Variants in HLCS observed in about 807,000 individuals in gnomAD.
HLCS encodes holocarboxylase synthetase.
Under a neutral mutation model 75.0 loss-of-function variants are expected in HLCS, and 53 were observed. The observed-to-expected ratio is 0.71, with a 90% CI of 0.57 to 0.89. HLCS has a LOEUF of 0.89. Among genes scored for constraint, HLCS ranks in the 40% least tolerant of loss-of-function variants. The probability of loss-of-function intolerance (pLI) is 0.00; values close to 1 mark genes in which losing one functional copy is unlikely to be tolerated. For synonymous variants in HLCS, 431 were observed against 428.6 expected (o/e 1.01, Z -0.07); for missense variants, 966 against 1,074.0 (o/e 0.90, Z 1.41).
chr21:36,762,391 G>A (rs2850107), intron 8 of HLCS, among the ~76,000 whole-genome samples: 116,520 of 152,038 alleles, frequency 0.77, 45,797 homozygotes, highest in African/African-American at 0.93. Flanking sequence ...TGCGGGGCCC[G>A]GGGGGACTTC....
chr21:36,983,402 G>A (rs1431081580), intron 1 of HLCS, among the ~76,000 whole-genome samples: 1 of 151,530 alleles, frequency 6.6e-6, no homozygotes, highest in South Asian at 2.1e-4. Flanking sequence ...GTAGAGATGG[G>A]GTTTCACTAT....
chr21:36,929,806 C>T (rs1179395115), intron 5 of HLCS, among the ~76,000 whole-genome samples: 1 of 152,238 alleles, frequency 6.6e-6, no homozygotes, highest in Non-Finnish European at 1.5e-5. Flanking sequence ...TTCCCAGCTC[C>T]GTGGGCATTT....
intron 6 of HLCS, among the ~76,000 whole-genome samples, chr21:36,780,193 G>A (rs903757176): frequency 6.6e-6 from 1 of 152,106 alleles, no homozygotes; most frequent in African/African-American, 2.4e-5. Flanking sequence ...GAGCTGAGGC[G>A]GTGTTGCTAG....
intron 6 of HLCS, among the ~76,000 whole-genome samples, chr21:36,806,985 C>T (rs1301299189): frequency 6.6e-6 from 1 of 152,202 alleles, no homozygotes; most frequent in Non-Finnish European, 1.5e-5. Context: ...CCTCGGTGCC[C>T]CAGTAGCTGC....
At chr21:36,937,931 C>T (rs2066969453) in intron 3 of HLCS, among the ~76,000 whole-genome samples, 4 of 152,066 alleles carry the variant, frequency 2.6e-5, no homozygotes, top group South Asian at 2.1e-4. Context: ...TGCTACATGT[C>T]GGACATGGTA....
chr21:36,811,152 C>T (rs2061498635), intron 6 of HLCS, among the ~76,000 whole-genome samples: 1 of 152,166 alleles, frequency 6.6e-6, no homozygotes, highest in Non-Finnish European at 1.5e-5. Context: ...CACACTGTTA[C>T]CATTTGTTAC....
At chr21:36,768,725 C>G (rs1286924649) in intron 6 of HLCS, among the ~76,000 whole-genome samples, 1 of 152,270 alleles carries the variant, frequency 6.6e-6, no homozygotes, top group Non-Finnish European at 1.5e-5. Flanking sequence ...ACATGAAATA[C>G]AGCTCAGAAG....
At chr21:36,910,545 G>GGA (rs1463434613) in intron 5 of HLCS, among the ~76,000 whole-genome samples, 1 of 117,858 alleles carries the variant, frequency 8.5e-6, no homozygotes, top group African/African-American at 3.2e-5. Context: ...GACTCTGTAT[G>GGA]GAAAAAAAAA....
intron 6 of HLCS, among the ~76,000 whole-genome samples, chr21:36,824,400 T>C (rs1045496667): frequency 6.6e-6 from 1 of 151,984 alleles, no homozygotes; most frequent in Non-Finnish European, 1.5e-5. Flanking sequence ...TGAGAACACA[T>C]GGACACAGGG....
At chr21:36,835,757 T>A (rs550585203) in intron 6 of HLCS, among the ~76,000 whole-genome samples, 1 of 152,154 alleles carries the variant, frequency 6.6e-6, no homozygotes, top group East Asian at 1.9e-4. Context: ...CATGGAGTAG[T>A]CTAATTAGCC....
intron 1 of HLCS, among the ~76,000 whole-genome samples, chr21:36,977,232 T>TA (rs1445999768): frequency 6.6e-6 from 1 of 151,968 alleles, no homozygotes; most frequent in Non-Finnish European, 1.5e-5. Context: ...TTCAGGCATG[T>TA]AAAAATCAGG....
chr21:36,938,835 C>A lies in HLCS; in HGVS notation c.490G>T (p.Val164Leu), dbSNP rs2067011776. 6.2e-7 allele frequency: 1 copy of A among 1,613,916 alleles called. No homozygotes were observed. Among genetic ancestry groups the A allele is most frequent in the African/African-American group, 1.3e-5 (1 of 74,898 alleles). ...MDNGLVPQKI[V>L]SVHLQDSTLK... is the part of the protein sequence containing the mutation. Reference sequence around the variant, plus strand: ...AACATTTTCTAAAGTTACTTACACACAATCTTTTGGGGTACCAGTCCATTA... The same window carrying A: ...AACATTTTCTAAAGTTACTTACACAAAATCTTTTGGGGTACCAGTCCATTA... Residue 164 changes from valine to leucine, a missense_variant, in exon 3 of 11, where the codon GTG (valine) becomes TTG (leucine). Val to Leu is a conservative substitution (Grantham distance 32). Coordinates refer to ENST00000674895, the MANE Select transcript of HLCS (RefSeq NM_001352514.2).
chr21:36,813,938 C>G (rs1274754055), intron 6 of HLCS, among the ~76,000 whole-genome samples: 1 of 152,150 alleles, frequency 6.6e-6, no homozygotes, highest in African/African-American at 2.4e-5. Context: ...TGGAAACACT[C>G]ACATGGAGAG....
chr21:36,984,814 T>A (rs574392435), intron 1 of HLCS, among the ~76,000 whole-genome samples: 79 of 151,978 alleles, frequency 5.2e-4, no homozygotes, highest in Non-Finnish European at 9.7e-4. Context: ...CAAAATTAAA[T>A]AAACAAATAA....
chr21:36,798,312 T>G (rs1569025044), intron 6 of HLCS, among the ~76,000 whole-genome samples: 1 of 152,240 alleles, frequency 6.6e-6, no homozygotes, highest in Non-Finnish European at 1.5e-5. Flanking sequence ...TTTTCAAGAT[T>G]CACCCATGCT....
At chr21:36,763,928 A>C (rs959283549) in intron 8 of HLCS, among the ~76,000 whole-genome samples, 2 of 152,230 alleles carry the variant, frequency 1.3e-5, no homozygotes, top group Non-Finnish European at 2.9e-5. Context: ...GGATCTGCAC[A>C]TTGTATGTGG....
rs976918903 is a variant in HLCS, at chr21:36,820,023, G to A, written c.1893-52738C>T. ...GGCAGCAAAAATAAACCAGACTCAC[G>A]CCATGTCAGGGTCCCACCAAAAGCC... On this transcript the variant is annotated intron_variant, in intron 6 of 10. Transcript: ENST00000674895. Among the ~76,000 whole-genome samples, 9 of 152,282 alleles carry A rather than the reference G, an allele frequency of 5.9e-5. 1 individual carries two copies. The highest frequency in any genetic ancestry group is 3.3e-4 in the Admixed American group (5 of 15,302).
chr21:36,967,788 C>G (rs888782665), upstream of HLCS, among the ~76,000 whole-genome samples: 1 of 152,016 alleles, frequency 6.6e-6, no homozygotes, highest in African/African-American at 2.4e-5. Context: ...GGTGCAATCT[C>G]GGCTCACTGC....
chr21:36,840,580 C>A (rs2062581519), intron 6 of HLCS, among the ~76,000 whole-genome samples: 1 of 152,082 alleles, frequency 6.6e-6, no homozygotes, highest in Admixed American at 6.6e-5. Flanking sequence ...TATGATGAGA[C>A]TAAATTACAA....
Sources: allele counts gnomAD v4.1 joint callset (sites outside exome capture counted in the v4.1 genomes callset), GRCh38; gene constraint gnomAD v4.1.1; transcripts MANE v1.5; gene names NCBI Gene and HGNC (gene_info 2026-07-23, HGNC 2026-07-21).